The following VPS41 variants were observed in gnomAD, a reference collection of about 807,000 sequenced individuals.
VPS41 encodes the protein vacuolar protein sorting-associated protein 41 homolog.
VPS41 carries 85 observed loss-of-function variants against 130.9 expected under a neutral mutation model. That is an observed-to-expected ratio of 0.65 (90% confidence interval 0.55 to 0.78). The LOEUF is 0.78. Ranked by LOEUF, VPS41 falls within the 30% of genes least tolerant of loss-of-function variation. VPS41 has a pLI of 0.00. For missense variants in VPS41, 874 were observed against 1,018.7 expected, an observed-to-expected ratio of 0.86 and a Z score of 1.93; for synonymous variants, 335 against 332.9, an observed-to-expected ratio of 1.01 and a Z score of -0.07.
At chr7:38,862,924 A>G (rs1417054333) in intron 3 of VPS41, among the ~76,000 whole-genome samples, 1 of 152,198 alleles carries the variant, frequency 6.6e-6, no homozygotes, top group African/African-American at 2.4e-5. Flanking sequence ...AGTAAATTAA[A>G]TGCAGCGGTG....
At chr7:38,726,427 A>T in intron 28 of VPS41, 101 bp from the exon 29 acceptor site, 1 of 846,392 alleles carries the variant, frequency 1.2e-6, no homozygotes, top group Non-Finnish European at 1.9e-6. Context: ...GGTGGAGAGG[A>T]AGTAATAGGA....
At chr7:38,904,089 C>G (rs11762355) in intron 1 of VPS41, among the ~76,000 whole-genome samples, 40,736 of 151,902 alleles carry the variant, frequency 0.27, 6,926 homozygotes, top group Non-Finnish European at 0.39. Flanking sequence ...AATCACAAGC[C>G]ATTTTTAACA....
Position 38,766,197 on chromosome 7 carries a change from G to A in VPS41, c.1248-536C>T, listed in dbSNP as rs138747026. Among the ~76,000 whole-genome samples, 251 of 152,304 alleles carry A rather than the reference G, an allele frequency of 1.6e-3. 1 individual carries two copies. Among genetic ancestry groups the A allele is most frequent in the African/African-American group, 3.9e-3 (164 of 41,562 alleles). On this transcript the variant is annotated intron_variant, in intron 15 of 28. Coordinates refer to ENST00000310301, the MANE Select transcript of VPS41 (RefSeq NM_014396.4). ...ATTTTCTTAAATAACCTCAGGAGAC[G>A]AGAAGCAGGCTTGAGGGCACTCTTC...
intron 4 of VPS41, among the ~76,000 whole-genome samples, chr7:38,830,943 G>T (rs1785375222): frequency 6.6e-6 from 1 of 152,216 alleles, no homozygotes; most frequent in Admixed American, 6.5e-5. Context: ...AAAGAGAGGA[G>T]CCAGGGCTAC....
chr7:38,812,945 T>C (rs956804932), intron 7 of VPS41, among the ~76,000 whole-genome samples: 1 of 152,272 alleles, frequency 6.6e-6, no homozygotes, highest in East Asian at 1.9e-4. Flanking sequence ...GAATGTAAAA[T>C]GGAACAATCA....
At chr7:38,759,067 T>C (rs1783863356) in intron 17 of VPS41, among the ~76,000 whole-genome samples, 1 of 152,252 alleles carries the variant, frequency 6.6e-6, no homozygotes, top group South Asian at 2.1e-4. Flanking sequence ...TTCTATGAGC[T>C]GCTCTAGCAA....
At chr7:38,778,996 G>A (rs1404035177) in intron 10 of VPS41, among the ~76,000 whole-genome samples, 1 of 152,176 alleles carries the variant, frequency 6.6e-6, no homozygotes, top group African/African-American at 2.4e-5. Context: ...GAGTAAGACA[G>A]AAAATTTCCT....
intron 12 of VPS41, among the ~76,000 whole-genome samples, chr7:38,773,784 T>G (rs1032866890): frequency 3.9e-5 from 6 of 152,140 alleles, no homozygotes; most frequent in African/African-American, 1.4e-4. Context: ...GGGAGTGATA[T>G]GACAACCATG....
intron 4 of VPS41, among the ~76,000 whole-genome samples, chr7:38,859,467 G>A (rs1786055332): frequency 6.6e-6 from 1 of 152,104 alleles, no homozygotes; most frequent in South Asian, 2.1e-4. Flanking sequence ...CTGTACAGAT[G>A]TATCATTTGT....
chr7:38,742,222 C>T lies in VPS41; in HGVS notation c.2123-101G>A, dbSNP rs17700392. ...TAATGCAATTTTAGATCAAAAGTAA[C>T]TCAAAGAAAAAATTATTTCCTTCAA... On this transcript the variant is annotated intron_variant, in intron 24 of 28. Transcript: ENST00000310301. 0.2 allele frequency: 231,735 copies of T among 1,155,590 alleles called. 27,237 individuals carry two copies. The highest frequency in any genetic ancestry group is 0.42 in the East Asian group (15,913 of 37,682). The allele number at this position is 1,155,590 out of a possible 1,614,324, so 71.6% of individuals were successfully genotyped here. A position where few individuals can be genotyped will look rare whatever the true frequency, so the allele number is the denominator to read the frequency against.
At chr7:38,841,393 T>C (rs1410444149) in intron 4 of VPS41, among the ~76,000 whole-genome samples, 1 of 152,220 alleles carries the variant, frequency 6.6e-6, no homozygotes, top group African/African-American at 2.4e-5. Flanking sequence ...CTATTTCCTT[T>C]CATTCCCTAT....
intron 4 of VPS41, among the ~76,000 whole-genome samples, chr7:38,854,073 GT>G (rs1347262715): frequency 1.3e-5 from 2 of 152,198 alleles, no homozygotes. Context: ...TTTATCAGAA[GT>G]TAGAATGATT....
chr7:38,810,615 A>G (rs899284393), intron 7 of VPS41, among the ~76,000 whole-genome samples: 1 of 152,080 alleles, frequency 6.6e-6, no homozygotes, highest in African/African-American at 2.4e-5. Context: ...TATAATTCCA[A>G]CGATTTATTT....
At chr7:38,805,626 A>C (rs1056967126) in intron 7 of VPS41, among the ~76,000 whole-genome samples, 4 of 151,984 alleles carry the variant, frequency 2.6e-5, no homozygotes, top group African/African-American at 7.2e-5. Context: ...AAATGAACCC[A>C]ATTTCAAGCA....
intron 2 of VPS41, among the ~76,000 whole-genome samples, chr7:38,875,323 T>C (rs533474984): frequency 6.6e-6 from 1 of 152,238 alleles, no homozygotes; most frequent in African/African-American, 2.4e-5. Flanking sequence ...ATTAAAGTTT[T>C]CCATAAAGTG....
At position 38,743,398 on chromosome 7, in the gene VPS41, T is replaced by C; in HGVS notation, c.2122+4A>G. 6.2e-7 allele frequency: 1 copy of C among 1,613,810 alleles called. No homozygotes were observed. On this transcript the variant is annotated splice_donor_region_variant and intron_variant, in intron 24 of 28. Coordinates refer to ENST00000310301, the MANE Select transcript of VPS41 (RefSeq NM_014396.4). ...TTATAACCAGAGATGGCTTTTATGCTTACGTGGTTTGTCAATGGAATATAA... is the reference window on the plus strand; with the variant it reads ...TTATAACCAGAGATGGCTTTTATGCCTACGTGGTTTGTCAATGGAATATAA...
chr7:38,758,590 C>G, intron 17 of VPS41, 109 bp from the exon 18 acceptor site: 1 of 1,105,470 alleles, frequency 9.0e-7, no homozygotes, highest in Non-Finnish European at 1.3e-6. Flanking sequence ...ATATAACTCT[C>G]AAAATCCTTA....
At chr7:38,758,738 C>T (rs1028298666) in intron 17 of VPS41, among the ~76,000 whole-genome samples, 7 of 152,184 alleles carry the variant, frequency 4.6e-5, no homozygotes, top group Non-Finnish European at 1.0e-4. Context: ...CAGCCCTACC[C>T]CCACCCCTGC....
At chr7:38,762,516 C>T (rs796701458) in intron 17 of VPS41, among the ~76,000 whole-genome samples, 31 of 152,252 alleles carry the variant, frequency 2.0e-4, no homozygotes, top group African/African-American at 7.5e-4. Flanking sequence ...GCATCTTTAC[C>T]TCCAATATTA....
Sources: allele counts gnomAD v4.1 joint callset (sites outside exome capture counted in the v4.1 genomes callset), GRCh38; gene constraint gnomAD v4.1.1; transcripts MANE v1.5; gene names NCBI Gene and HGNC (gene_info 2026-07-23, HGNC 2026-07-21).